RANBP2: variants seen among roughly 807,000 people sequenced by gnomAD.
RANBP2 encodes the protein RAN binding protein 2, also known as E3 SUMO-protein ligase RanBP2.
In RANBP2, 57 loss-of-function variants were observed where a neutral mutation model predicts 303.6. That is an observed-to-expected ratio of 0.19 (90% CI 0.15 to 0.23). RANBP2 has a LOEUF of 0.23. RANBP2 is among the 10% of genes least tolerant of loss of function. The pLI, the probability that RANBP2 is intolerant of heterozygous loss-of-function variation, is 1.00. For missense variants in RANBP2, 3,138 were observed against 3,780.8 expected (o/e 0.83, Z 4.46); for synonymous variants, 1,167 against 1,301.5 (o/e 0.90, Z 2.23).
chr2:108,929,857 T>C, the RANBP2 span, among the ~76,000 whole-genome samples: 1 of 152,202 alleles, frequency 6.6e-6, no homozygotes, highest in African/African-American at 2.4e-5. Flanking sequence ...GACGCTCATT[T>C]AATCAGGGTA....
chr2:109,314,131 G>C, the RANBP2 span, among the ~76,000 whole-genome samples: 1 of 152,138 alleles, frequency 6.6e-6, no homozygotes, highest in Non-Finnish European at 1.5e-5. Context: ...GGCCTGGGCA[G>C]TCACCTAACT....
At chr2:108,728,690 C>T (rs1375841561) in intron 1 of RANBP2, among the ~76,000 whole-genome samples, 3 of 151,970 alleles carry the variant, frequency 2.0e-5, no homozygotes, top group African/African-American at 4.8e-5. Context: ...TGCAATGGCA[C>T]GATCTCAGCT....
the RANBP2 span, among the ~76,000 whole-genome samples, chr2:109,483,831 C>A: frequency 6.6e-6 from 1 of 152,174 alleles, no homozygotes; most frequent in Admixed American, 6.5e-5. Context: ...CCTCCTGTGA[C>A]TGTCCCCATC....
At chr2:108,845,980 A>G in the RANBP2 span, among the ~76,000 whole-genome samples, 2 of 151,974 alleles carry the variant, frequency 1.3e-5, no homozygotes. Context: ...TTTATTCTCC[A>G]TGAGAATTAT....
the RANBP2 span, among the ~76,000 whole-genome samples, chr2:109,425,782 G>C: frequency 6.6e-6 from 1 of 152,232 alleles, no homozygotes; most frequent in Non-Finnish European, 1.5e-5. Context: ...TGTACAAGGA[G>C]ATGAATGTTG....
chr2:108,811,638 A>G, the RANBP2 span, among the ~76,000 whole-genome samples: 10 of 152,048 alleles, frequency 6.6e-5, no homozygotes, highest in Admixed American at 6.6e-4. Flanking sequence ...TTAGATTCAG[A>G]GGGTACATGT....
chr2:108,975,591 A>AGGGCAGCAGCTTTGGGG, the RANBP2 span, among the ~76,000 whole-genome samples: 2 of 152,182 alleles, frequency 1.3e-5, no homozygotes, highest in Non-Finnish European at 1.5e-5. Context: ...CACTGGAAGC[A>AGGGCAGCAGCTTTGGGG]GGGCAGCAGC....
At chr2:108,961,622 G>A in the RANBP2 span, among the ~76,000 whole-genome samples, 2 of 152,206 alleles carry the variant, frequency 1.3e-5, no homozygotes, top group African/African-American at 4.8e-5. Context: ...CTGGCAGATG[G>A]TGTTATTGTT....
chr2:109,088,889 G>A, the RANBP2 span, among the ~76,000 whole-genome samples: 1 of 152,176 alleles, frequency 6.6e-6, no homozygotes, highest in African/African-American at 2.4e-5. Context: ...TCTATGCCAG[G>A]TTCCAAGAGG....
rs139206564 is a variant in RANBP2 at position 108,749,060 on chromosome 2, G to C, written c.1204G>C (p.Gly402Arg). The change falls in exon 9 of 29, where the codon GGT becomes CGT. Residue 402 changes from glycine to arginine, a missense_variant. Physicochemically the swap from Gly to Arg is moderately radical, Grantham distance 125. This residue lies in a region of RANBP2 where 95 missense variants were observed against 86.4 expected (regional missense o/e 1.10). Coordinates refer to ENST00000283195, the MANE Select transcript of RANBP2 (RefSeq NM_006267.5). Reference protein sequence around the residue: ...SQSPKDTSFLGSDDIGNIDVR... With the variant: ...SQSPKDTSFLRSDDIGNIDVR... ...GTCACCTAAGGATACATCTTTTCTT[G>C]GTAGCGATGATATTGGAAACATTGA... 3 of 1,611,854 alleles carry C rather than the reference G, an allele frequency of 1.9e-6. No individual in the cohort carries two copies. Among genetic ancestry groups the C allele is most frequent in the East Asian group, 2.2e-5 (1 of 44,864 alleles).
the RANBP2 span, among the ~76,000 whole-genome samples, chr2:108,979,557 G>A: frequency 1.3e-5 from 2 of 152,090 alleles, no homozygotes; most frequent in Non-Finnish European, 2.9e-5. Context: ...TAGTAAGCTA[G>A]GGGCATGTCA....
At chr2:109,493,221 T>C in the RANBP2 span, among the ~76,000 whole-genome samples, 1 of 147,460 alleles carries the variant, frequency 6.8e-6, no homozygotes, top group Non-Finnish European at 1.5e-5. Context: ...ACTCACACAT[T>C]ACACATACAG....
At chr2:108,856,933 T>C in the RANBP2 span, 4 of 1,611,176 alleles carry the variant, frequency 2.5e-6, no homozygotes, top group East Asian at 6.7e-5. Context: ...TCCTGTCTAA[T>C]GTTATTGATA....
chr2:108,729,845 A>G (rs1393397017), intron 2 of RANBP2, among the ~76,000 whole-genome samples: 1 of 151,696 alleles, frequency 6.6e-6, no homozygotes, highest in African/African-American at 2.4e-5. Context: ...TCAGCGCCCC[A>G]AGTAGCTGGG....
At chr2:108,894,481 G>A in the RANBP2 span, 81,116 of 151,646 alleles carry the variant, frequency 0.53, 26,227 homozygotes, top group East Asian at 0.89. Flanking sequence ...TCTTATTAAT[G>A]TGTTTATTGA....
At chr2:109,348,087 A>G in the RANBP2 span, 19 of 1,224,026 alleles carry the variant, frequency 1.6e-5, no homozygotes, top group Non-Finnish European at 2.1e-5. Flanking sequence ...CCCTGGGCAA[A>G]TGACCCAGCC....
the RANBP2 span, among the ~76,000 whole-genome samples, chr2:108,809,173 A>G: frequency 2.6e-4 from 39 of 152,116 alleles, 2 homozygotes; most frequent in East Asian, 5.2e-3. Context: ...CCATTAGTCT[A>G]TGTGTCTGTT....
the RANBP2 span, among the ~76,000 whole-genome samples, chr2:108,854,066 T>TTATATTATATATA: frequency 8.2e-6 from 1 of 121,778 alleles, no homozygotes; most frequent in African/African-American, 3.4e-5. Flanking sequence ...TTATATATAT[T>TTATATTATATATA]TTATATATAA....
At chr2:108,985,732 G>A in the RANBP2 span, among the ~76,000 whole-genome samples, 1 of 152,128 alleles carries the variant, frequency 6.6e-6, no homozygotes, top group Admixed American at 6.5e-5. Context: ...CCCCAGAGAG[G>A]GTAGCTTTGC....
Sources: gnomAD v4.1 joint callset for allele counts (sites outside exome capture counted in the v4.1 genomes callset) on GRCh38, gnomAD v4.1.1 for gene constraint, gnomAD v4.1.1 regional missense constraint, MANE v1.5 for transcripts, NCBI Gene and HGNC (gene_info 2026-07-23, HGNC 2026-07-21) for gene names.